Variants in PCDHGA8 observed in about 807,000 individuals in gnomAD.
PCDHGA8 encodes protocadherin gamma-A8.
Under a neutral mutation model 59.2 loss-of-function variants are expected in PCDHGA8, and 45 were observed. The observed-to-expected ratio is 0.76, with a 90% CI of 0.60 to 0.98. The LOEUF (loss-of-function observed/expected upper bound fraction) is 0.98, where lower values mean the gene tolerates loss of function less well. PCDHGA8 is among the 50% of genes least tolerant of loss of function. The pLI is 0.00. For synonymous variants in PCDHGA8, 531 were observed against 519.0 expected (o/e 1.02, Z -0.32); for missense variants, 1,257 against 1,196.2 (o/e 1.05, Z -0.75).
chr5:141,432,569 C>T lies in PCDHGA8; in HGVS notation c.2424+37332C>T. The T allele has an allele frequency of 6.2e-7, 1 of 1,613,920 alleles. No homozygotes were observed. On this transcript the variant is annotated intron_variant, in intron 1 of 3. Coordinates refer to ENST00000398604, the MANE Select transcript of PCDHGA8 (RefSeq NM_032088.2). This position sits in a 1 kb window ranked among gnomAD's most constrained non-coding sequence, Gnocchi z 6.0. ...CAGAGACTCCGGCCAGAACGCCTGG[C>T]TGTCCTACCGTCTGCTCAAGGCCAG...
chr5:141,422,677 C>G, intron 1 of PCDHGA8: 1 of 1,606,186 alleles, frequency 6.2e-7, no homozygotes, highest in Non-Finnish European at 8.5e-7. Context: ...GGACAGCAAA[C>G]AGAATGCCCT....
rs1028021318 is a variant in PCDHGA8, at chr5:141,393,156, A to G, written c.343A>G (p.Lys115Glu). Reference sequence around the variant, plus strand: ...TAACACCCTGGTTGAGGATAAAGGAAAACTCTTTGGGGTAGAAATAGAAAT... The same window carrying G: ...TAACACCCTGGTTGAGGATAAAGGAGAACTCTTTGGGGTAGAAATAGAAAT... ...NINTLVEDKG[K>E]LFGVEIEIID... Residue 115 changes from lysine to glutamate, a missense_variant, in exon 1 of 4, where the codon AAA becomes GAA. Physicochemically the swap from Lys to Glu is moderately conservative, Grantham distance 56. Transcript: ENST00000398604. 4.3e-6 allele frequency: 7 copies of G among 1,613,310 alleles called. No individual in the cohort carries two copies. The highest frequency in any genetic ancestry group is 1.3e-5 in the African/African-American group (1 of 75,058).
In PCDHGA8 at chr5:141,419,332, C is replaced by T. The variant is rs1356380695; in HGVS notation, c.2424+24095C>T. On this transcript the variant is annotated intron_variant, in intron 1 of 3. Transcript: ENST00000398604. Reference sequence around the variant, plus strand: ...TCAACGGCCGTGTCTCCTACTCTCTCATTGCCAGCGACCTGGAGTCACGAA... The same window carrying T: ...TCAACGGCCGTGTCTCCTACTCTCTTATTGCCAGCGACCTGGAGTCACGAA... 3.7e-6 allele frequency: 6 copies of T among 1,613,832 alleles called. No individual in the cohort carries two copies. The Admixed American group carries it at 8.3e-5, about 22-fold the overall frequency.
In PCDHGA8 at chr5:141,415,739, G is replaced by GTTTT; in HGVS notation, c.2424+20502_2424+20503insTTTT. On this transcript the variant is annotated intron_variant, in intron 1 of 3. Transcript: ENST00000398604. The stretch of plus-strand genomic sequence containing the variant: ...ATGAGTAGAATTTGATGTTTATTAA[G>GTTTT]GTTTTTTTTTTTTTTTTTTTTTTTT... 9.2e-6 allele frequency: 4 copies of GTTTT among 434,946 alleles called. No homozygotes were observed. In the African/African-American group the frequency reaches 1.3e-4, roughly 14 times the overall value. 26.9% of individuals were successfully genotyped at this position (434,946 alleles called of 1,614,324 possible).
Position 141,394,299 on chromosome 5 carries a change from C to G in PCDHGA8, c.1486C>G (p.Leu496Val). Residue 496 changes from leucine to valine, a missense_variant, in exon 1 of 4, where the codon CTG becomes GTG. Leu to Val is a conservative substitution (Grantham distance 32). Coordinates refer to ENST00000398604, the MANE Select transcript of PCDHGA8 (RefSeq NM_032088.2). Reference sequence around the variant, plus strand: ...CACTTACTCTGTGACCGAGGACACGCTGCAGGGGGCGCCCCTGTCCTCGTA... The same window carrying G: ...CACTTACTCTGTGACCGAGGACACGGTGCAGGGGGCGCCCCTGTCCTCGTA... ...QVTYSVTEDT[L>V]QGAPLSSYIS... The G allele has an allele frequency of 6.2e-7, 1 of 1,614,002 alleles. No homozygotes were observed. The highest frequency in any genetic ancestry group is 1.6e-4 in the Middle Eastern group (1 of 6,062).
At chr5:141,465,186 G>T (rs2099098546) in intron 1 of PCDHGA8, among the ~76,000 whole-genome samples, 1 of 151,852 alleles carries the variant, frequency 6.6e-6, no homozygotes, top group African/African-American at 2.4e-5. Flanking sequence ...TTAATTAAAA[G>T]ATAAAAATAA....
intron 1 of PCDHGA8, among the ~76,000 whole-genome samples, chr5:141,451,429 G>A (rs577699188): frequency 1.3e-3 from 195 of 152,306 alleles, no homozygotes; most frequent in African/African-American, 4.5e-3. Flanking sequence ...TAGACTAAGG[G>A]TTCCAGTTCC....
At chr5:141,415,503 G>A (rs1354902623) in intron 1 of PCDHGA8, 1 of 1,614,212 alleles carries the variant, frequency 6.2e-7, no homozygotes. Flanking sequence ...TCTTCCCCCA[G>A]CCCAATTATG....
Position 141,398,862 on chromosome 5 carries a change from C to G in PCDHGA8, c.2424+3625C>G, listed in dbSNP as rs771326288. On this transcript the variant is annotated intron_variant, in intron 1 of 3. Transcript: ENST00000398604. ...ATAATCCCCCGGTATTCAACCGAGA[C>G]GTGTACAGAGTCAGCCTTCGGGAAA... 4 of 1,613,848 alleles carry G rather than the reference C, an allele frequency of 2.5e-6. No individual in the cohort carries two copies. The African/African-American group carries it at 5.3e-5, about 22-fold the overall frequency.
At chr5:141,457,469 AG>A (rs1170841505) in intron 1 of PCDHGA8, among the ~76,000 whole-genome samples, 1 of 152,226 alleles carries the variant, frequency 6.6e-6, no homozygotes, top group Non-Finnish European at 1.5e-5. Context: ...CACAGGAATA[AG>A]CAGGGCCAGG....
At chr5:141,433,397 A>G (rs189987785) in intron 1 of PCDHGA8, among the ~76,000 whole-genome samples, 270 of 150,524 alleles carry the variant, frequency 1.8e-3, no homozygotes, top group Non-Finnish European at 3.1e-3. Context: ...CTATCTATCT[A>G]TCTATCTATT....
Position 141,414,954 on chromosome 5 carries a change from C to T in PCDHGA8, c.2424+19717C>T, listed in dbSNP as rs759955017. ...CCGCAGAGCCCGGCTACCTGGTGAC[C>T]AAGGTGGTGGCGGTGGACAGAGACT... On this transcript the variant is annotated intron_variant, in intron 1 of 3. Coordinates refer to ENST00000398604, the MANE Select transcript of PCDHGA8 (RefSeq NM_032088.2). 10 of 1,614,058 alleles carry T rather than the reference C, an allele frequency of 6.2e-6. No individual in the cohort carries two copies. The Admixed American group carries it at 1.7e-4, about 27-fold the overall frequency.
At chr5:141,500,315 G>C (rs944076867) in intron 2 of PCDHGA8, among the ~76,000 whole-genome samples, 41 of 151,522 alleles carry the variant, frequency 2.7e-4, no homozygotes, top group African/African-American at 9.5e-4. Flanking sequence ...TTCACGCCAT[G>C]CTCCTGCCTC....
At position 141,400,119 on chromosome 5, in the gene PCDHGA8, G is replaced by A. The variant is rs543287685; in HGVS notation, c.2424+4882G>A. ...TGCACTTGGTCTTTGCTGACAGCTTGCAGGAGGTGCTGCCGGATATCACTG... is the reference window on the plus strand; with the variant it reads ...TGCACTTGGTCTTTGCTGACAGCTTACAGGAGGTGCTGCCGGATATCACTG... On this transcript the variant is annotated intron_variant, in intron 1 of 3. Transcript: ENST00000398604. 3 of 1,614,076 alleles carry A rather than the reference G, an allele frequency of 1.9e-6. No individual in the cohort carries two copies. The Admixed American group carries it at 5.0e-5, about 27-fold the overall frequency.
chr5:141,409,023 A>C, intron 1 of PCDHGA8: 1 of 1,614,044 alleles, frequency 6.2e-7, no homozygotes, highest in Non-Finnish European at 8.5e-7. Flanking sequence ...GAGGGGGTCA[A>C]TGCTGAGATA....
At chr5:141,399,751 G>T (rs564705346) in intron 1 of PCDHGA8, 2 of 1,613,322 alleles carry the variant, frequency 1.2e-6, no homozygotes, top group Non-Finnish European at 1.7e-6. Context: ...CAGCGCAAAC[G>T]TGAGCCTGCG....
At chr5:141,404,387 C>G in intron 1 of PCDHGA8, 3 of 1,613,874 alleles carry the variant, frequency 1.9e-6, no homozygotes, top group Non-Finnish European at 2.5e-6. Context: ...TGCCTATGAC[C>G]CTGATAGCAA....
chr5:141,469,505 G>T (rs2099202987), intron 1 of PCDHGA8, among the ~76,000 whole-genome samples: 1 of 152,138 alleles, frequency 6.6e-6, no homozygotes. Flanking sequence ...AACCCGGGAG[G>T]TGGAGGTTGC....
Position 141,485,943 on chromosome 5 carries a change from C to CG in PCDHGA8, c.2425-8861dup, listed in dbSNP as rs1562109052. ...ATTAGTGTGTTGGAGAGCGCACCAG[C>CG]GGGCATGGTGCTCATCCAGCTCAAT... On this transcript the variant is annotated intron_variant, in intron 1 of 3. Coordinates refer to ENST00000398604, the MANE Select transcript of PCDHGA8 (RefSeq NM_032088.2). The surrounding 1 kb of genome is among the most constrained non-coding windows in gnomAD (Gnocchi z 5.7). The CG allele has an allele frequency of 1.2e-6, 2 of 1,614,126 alleles. No individual in the cohort carries two copies. Among genetic ancestry groups the CG allele is most frequent in the Non-Finnish European group, 1.7e-6 (2 of 1,180,012 alleles).
Sources: gnomAD v4.1 joint callset for allele counts (sites outside exome capture counted in the v4.1 genomes callset) on GRCh38, gnomAD v4.1.1 for gene constraint, Gnocchi (gnomAD v3.1) non-coding constraint, MANE v1.5 for transcripts, NCBI Gene and HGNC (gene_info 2026-07-23, HGNC 2026-07-21) for gene names.